LRRC51: variants seen among roughly 807,000 people sequenced by gnomAD.
LRRC51 encodes the protein leucine rich repeat containing 51, also known as leucine-rich repeat-containing protein 51.
In LRRC51, 8 loss-of-function variants were observed where a neutral mutation model predicts 17.8. The observed-to-expected ratio is 0.45, with a 90% CI of 0.26 to 0.81. LRRC51 has a LOEUF of 0.81. Ranked by LOEUF, LRRC51 falls within the 30% of genes least tolerant of loss-of-function variation. The pLI is 0.17. For missense variants in LRRC51, 233 were observed against 239.3 expected, an observed-to-expected ratio of 0.97 and a Z score of 0.17; for synonymous variants, 92 against 96.0, an observed-to-expected ratio of 0.96 and a Z score of 0.24.
At chr11:72,086,817 G>C (rs1366640104) in intron 1 of LRRC51, among the ~76,000 whole-genome samples, 1 of 152,166 alleles carries the variant, frequency 6.6e-6, no homozygotes, top group African/African-American at 2.4e-5. Flanking sequence ...ATGTTCAGTG[G>C]TGCATAACTC....
Position 72,096,576 on chromosome 11 carries a change from G to C in LRRC51, c.*1056G>C. On this transcript the variant is annotated 3_prime_UTR_variant, in exon 6 of 6. Coordinates refer to ENST00000289488, the MANE Select transcript of LRRC51 (RefSeq NM_145309.6). The stretch of plus-strand genomic sequence containing the variant: ...TTTGCTGAAAAAGGGAGGCAATTGA[G>C]GGAAAGGCCTGCTGGCCTGGGACAC... The C allele has an allele frequency of 1.4e-6, 2 of 1,385,014 alleles. No individual in the cohort carries two copies. Among genetic ancestry groups the C allele is most frequent in the Admixed American group, 3.2e-5 (1 of 31,638 alleles). The allele number at this position is 1,385,014 out of a possible 1,614,324, so 85.8% of individuals were successfully genotyped here. A position where few individuals can be genotyped will look rare whatever the true frequency, so the allele number is the denominator to read the frequency against.
Position 72,089,126 on chromosome 11 carries a change from C to A in LRRC51, c.43C>A (p.Pro15Thr), listed in dbSNP as rs1367161027. 1 of 1,614,002 alleles carries A rather than the reference C, an allele frequency of 6.2e-7. No individual in the cohort carries two copies. The highest frequency in any genetic ancestry group is 8.5e-7 in the Non-Finnish European group (1 of 1,180,022). The stretch of plus-strand genomic sequence containing the variant: ...TATGAACACTTCGGTACAGGAGCCC[C>A]CTCTTGACTACTCCTTCAGAAGCAT... ...DYMNTSVQEPPLDYSFRSIHV... is the reference protein window; with the variant it reads ...DYMNTSVQEPTLDYSFRSIHV... The change falls in exon 3 of 6, where the codon CCT becomes ACT. Residue 15 changes from proline (P) to threonine (T), a missense_variant. Physicochemically the swap from Pro to Thr is conservative, Grantham distance 38. Coordinates refer to ENST00000289488, the MANE Select transcript of LRRC51 (RefSeq NM_145309.6).
rs758879504 is a variant in LRRC51, at chr11:72,095,409, C to CACCACG, written c.469_474dup (p.Thr157_Thr158dup). Reference sequence around the variant, plus strand: ...ATGTGCTGTGCACCCTGTCCCGTATCACCACGTTCGACTTCAGTGGGGTCA... The same window carrying CACCACG: ...ATGTGCTGTGCACCCTGTCCCGTATCACCACGACCACGTTCGACTTCAGTGGGGTCA... On this transcript the variant is annotated inframe_insertion, in exon 6 of 6. Transcript: ENST00000289488. 8.1e-6 allele frequency: 13 copies of CACCACG among 1,614,024 alleles called. No homozygotes were observed. The South Asian group carries it at 1.2e-4, about 15-fold the overall frequency.
At chr11:72,092,801 A>G (rs1170875644) in intron 3 of LRRC51, among the ~76,000 whole-genome samples, 1 of 152,152 alleles carries the variant, frequency 6.6e-6, no homozygotes, top group Non-Finnish European at 1.5e-5. Context: ...CCCCTAATCC[A>G]TGGAGATTCA....
chr11:72,093,770 C>T, intron 4 of LRRC51, 69 bp downstream of exon 4: 1 of 1,373,406 alleles, frequency 7.3e-7, no homozygotes, highest in Non-Finnish European at 1.0e-6. Context: ...CCAACCTCTC[C>T]ACTCCTACAT....
intron 4 of LRRC51, chr11:72,094,442 T>G (rs1413640983): frequency 1.9e-6 from 1 of 535,958 alleles, no homozygotes; most frequent in Non-Finnish European, 3.3e-6. Context: ...ACTTACTTTC[T>G]GTGAACTCAG....
chr11:72,086,119 A>G (rs765182293), intron 1 of LRRC51: 3 of 349,554 alleles, frequency 8.6e-6, no homozygotes, highest in Non-Finnish European at 1.6e-5. Context: ...AGGGATCATC[A>G]AAACAATCAG....
intron 3 of LRRC51, among the ~76,000 whole-genome samples, chr11:72,092,173 T>C (rs890818681): frequency 6.6e-6 from 1 of 152,212 alleles, no homozygotes; most frequent in Admixed American, 6.5e-5. Flanking sequence ...CCCTAACTTG[T>C]ATGCCTTCTA....
chr11:72,095,083 G>A lies in LRRC51; in HGVS notation c.424G>A (p.Glu142Lys). Residue 142 changes from glutamate to lysine, a missense_variant, in exon 5 of 6, where the codon GAG becomes AAG. Transcript: ENST00000289488. ...LTLHGNPMEE[E>K]KGYRQYVLCT... ...ACTCCATGGGAACCCCATGGAGGAA[G>A]AGAAAGGGTATAGGTAAGTGCCCTG... 1 of 1,614,050 alleles carries A rather than the reference G, an allele frequency of 6.2e-7. No individual in the cohort carries two copies. Among genetic ancestry groups the A allele is most frequent in the Non-Finnish European group, 8.5e-7 (1 of 1,179,970 alleles).
chr11:72,093,394 C>T (rs1201348641), intron 3 of LRRC51, 102 bp from the exon 4 acceptor site: 5 of 1,155,160 alleles, frequency 4.3e-6, no homozygotes, highest in Non-Finnish European at 6.3e-6. Context: ...TCCAGACCCT[C>T]CAGCTACAGC....
Position 72,096,714 on chromosome 11 carries a change from T to C in LRRC51, c.*1194T>C, listed in dbSNP as rs557092845. On this transcript the variant is annotated 3_prime_UTR_variant, in exon 6 of 6. Transcript: ENST00000289488. ...TAAAGTAGATCAGTAATTTCCAAAC[T>C]CTTCACAGAGTACCAGGGTCTGTAG... is the stretch of plus-strand genomic sequence containing the variant. The C allele has an allele frequency of 2.1e-5, 32 of 1,548,990 alleles. No individual in the cohort carries two copies. In the East Asian group the frequency reaches 7.4e-4, roughly 36 times the overall value.
chr11:72,094,990 G>A lies in LRRC51; in HGVS notation c.331G>A (p.Gly111Ser), dbSNP rs370981649. 1.1e-5 allele frequency: 17 copies of A among 1,613,824 alleles called. No individual in the cohort carries two copies. The African/African-American group carries it at 1.1e-4, about 10-fold the overall frequency. Residue 111 changes from glycine (G) to serine (S), a missense_variant, in exon 5 of 6, where the codon GGC becomes AGC. Coordinates refer to ENST00000289488, the MANE Select transcript of LRRC51 (RefSeq NM_145309.6). ...CAACCTGAGTGTCCTCTATCTTCAC[G>A]GCAACAGCATCCAGCGCCTGGGGGA... ...FFNLSVLYLHGNSIQRLGEVN... is the reference protein window; with the variant it reads ...FFNLSVLYLHSNSIQRLGEVN...
chr11:72,087,348 C>A (rs1282168274), intron 1 of LRRC51, among the ~76,000 whole-genome samples: 1 of 134,002 alleles, frequency 7.5e-6, no homozygotes, highest in Non-Finnish European at 1.5e-5. Flanking sequence ...CTTGCTCTGT[C>A]GCCCAGGCTG....
Position 72,088,940 on chromosome 11 carries a change from T to C in LRRC51, c.-55-89T>C, listed in dbSNP as rs1944694877. The C allele has an allele frequency of 4.1e-6, 6 of 1,463,148 alleles. No individual in the cohort carries two copies. The South Asian group carries it at 7.1e-5, about 17-fold the overall frequency. 90.6% of individuals were successfully genotyped at this position (1,463,148 alleles called of 1,614,324 possible). ...GAAATACAGCCAGGCAGGCCTAGAG[T>C]AGTAGAGGACAGAAAGCAGGGATGG... is the stretch of plus-strand genomic sequence containing the variant. On this transcript the variant is annotated intron_variant, in intron 2 of 5. Coordinates refer to ENST00000289488, the MANE Select transcript of LRRC51 (RefSeq NM_145309.6).
At chr11:72,094,298 A>T (rs951723056) in intron 4 of LRRC51, 4 of 194,126 alleles carry the variant, frequency 2.1e-5, no homozygotes, top group African/African-American at 9.5e-5. Flanking sequence ...AAAAAAAAAA[A>T]AGAAAAGAAA....
At position 72,095,604 on chromosome 11, in the gene LRRC51, G is replaced by A. The variant is rs1423256115; in HGVS notation, c.*84G>A. ...AAATAATTTGAGCTGTTGAGCAGAT[G>A]AGAAGTCACTTACACCTTGTAGAGA... On this transcript the variant is annotated 3_prime_UTR_variant, in exon 6 of 6. Coordinates refer to ENST00000289488, the MANE Select transcript of LRRC51 (RefSeq NM_145309.6). The A allele has an allele frequency of 1.9e-6, 3 of 1,561,692 alleles. No individual in the cohort carries two copies. Among genetic ancestry groups the A allele is most frequent in the East Asian group, 2.4e-5 (1 of 42,030 alleles).
chr11:72,089,208 G>A (rs749718627), intron 3 of LRRC51, 43 bp downstream of exon 3: 1 of 1,613,870 alleles, frequency 6.2e-7, no homozygotes, highest in Non-Finnish European at 8.5e-7. Context: ...AAGGCAGCAG[G>A]CCCAGTGTGG....
At chr11:72,094,910 T>A (rs1296540138) in intron 4 of LRRC51, 38 bp from the exon 5 acceptor site, 1 of 1,614,034 alleles carries the variant, frequency 6.2e-7, no homozygotes, top group African/African-American at 1.3e-5. Context: ...CAGGGTCCTG[T>A]CCTGTCTAGC....
chr11:72,094,833 G>T, intron 4 of LRRC51, 115 bp from the exon 5 acceptor site: 3 of 1,594,772 alleles, frequency 1.9e-6, no homozygotes, highest in Non-Finnish European at 2.6e-6. Context: ...TGGAGGGTTG[G>T]AGTGGAGGGC....
Sources: gnomAD v4.1 joint callset for allele counts (sites outside exome capture counted in the v4.1 genomes callset) on GRCh38, gnomAD v4.1.1 for gene constraint, MANE v1.5 for transcripts, NCBI Gene and HGNC (gene_info 2026-07-23, HGNC 2026-07-21) for gene names.